PCDH7: variants seen among roughly 807,000 people sequenced by gnomAD.
PCDH7 encodes protocadherin 7.
PCDH7 carries 17 observed loss-of-function variants against 58.9 expected under a neutral mutation model. The observed-to-expected ratio is 0.29, with a 90% confidence interval of 0.20 to 0.43. PCDH7 has a LOEUF of 0.43. Ranked by LOEUF, PCDH7 falls within the 20% of genes least tolerant of loss-of-function variation. The pLI, the probability that PCDH7 is intolerant of heterozygous loss-of-function variation, is 1.00. For synonymous variants in PCDH7, 664 were observed against 616.4 expected (o/e 1.08, Z -1.14); for missense variants, 1,274 against 1,441.0 (o/e 0.88, Z 1.88).
Position 30,902,918 on chromosome 4 carries a change from T to G in PCDH7, c.71-17235T>G, listed in dbSNP as rs368868330. 4.3e-4 allele frequency among the ~76,000 whole-genome samples: 66 copies of G among 152,242 alleles called. 2 individuals carry two copies. The South Asian group carries it at 0.014, about 32-fold the overall frequency. On this transcript the variant is annotated intron_variant, in intron 1 of 3. Coordinates refer to the PCDH7 transcript ENST00000509759. ...CAAGCTTAAGAATTCAAACCATTTT[T>G]CTCAAGAAAAGGATAAATGAAATAA...
chr4:31,097,076 G>C (rs1532562), intron 3 of PCDH7, among the ~76,000 whole-genome samples: 89,873 of 151,900 alleles, frequency 0.59, 28,944 homozygotes, highest in African/African-American at 0.84. Context: ...GCCAATTTGC[G>C]CCTAGTTGTG....
chr4:30,766,508 T>C (rs1004536302), intron 1 of PCDH7, among the ~76,000 whole-genome samples: 2 of 152,168 alleles, frequency 1.3e-5, no homozygotes, highest in African/African-American at 4.8e-5. Context: ...TAATCTGGAA[T>C]TTAATCTTAA....
At chr4:30,885,954 C>A (rs1737681701) in intron 1 of PCDH7, among the ~76,000 whole-genome samples, 1 of 152,050 alleles carries the variant, frequency 6.6e-6, no homozygotes, top group South Asian at 2.1e-4. Flanking sequence ...TTCCTTACAC[C>A]TTATACAAAA....
intron 3 of PCDH7, among the ~76,000 whole-genome samples, chr4:31,122,520 C>G (rs566188720): frequency 6.6e-6 from 1 of 152,176 alleles, no homozygotes; most frequent in East Asian, 1.9e-4. Context: ...CTAACTTTTC[C>G]CCCTCTTTTT....
chr4:31,015,674 C>T (rs1481355590), intron 3 of PCDH7, among the ~76,000 whole-genome samples: 1 of 152,116 alleles, frequency 6.6e-6, no homozygotes, highest in Non-Finnish European at 1.5e-5. Flanking sequence ...TTAACACGTT[C>T]TTTTCTAGAA....
At chr4:31,047,344 A>G (rs1049469362) in intron 3 of PCDH7, among the ~76,000 whole-genome samples, 1 of 152,090 alleles carries the variant, frequency 6.6e-6, no homozygotes, top group Non-Finnish European at 1.5e-5. Flanking sequence ...TCCTAAGTGC[A>G]AATCGGTGGT....
In PCDH7 at chr4:30,723,327, T is replaced by C; in HGVS notation, c.1905T>C (p.Asn635=). The C allele has an allele frequency of 6.2e-7, 1 of 1,614,172 alleles. No homozygotes were observed. Among genetic ancestry groups the C allele is most frequent in the Non-Finnish European group, 8.5e-7 (1 of 1,180,034 alleles). The change falls in exon 1 of 2, where the codon AAT becomes AAC. Residue 635 remains asparagine, a synonymous_variant. Transcript: ENST00000361762. This position sits in a 1 kb window ranked among gnomAD's most constrained non-coding sequence, Gnocchi z 4.6. Reference sequence around the variant, plus strand: ...TGCAGGTGGCTGATAAAAATGACAATGACCCTAAGTTTATGCAGGACGTCT... The same window carrying C: ...TGCAGGTGGCTGATAAAAATGACAACGACCCTAAGTTTATGCAGGACGTCT...
intron 1 of PCDH7, among the ~76,000 whole-genome samples, chr4:30,885,432 G>C (rs1404933784): frequency 6.6e-6 from 1 of 152,054 alleles, no homozygotes; most frequent in Non-Finnish European, 1.5e-5. Flanking sequence ...ACTAATATTG[G>C]CACATGGTTC....
chr4:30,927,398 G>A (rs1177956099), intron 2 of PCDH7, among the ~76,000 whole-genome samples: 1 of 151,972 alleles, frequency 6.6e-6, no homozygotes, highest in East Asian at 1.9e-4. Flanking sequence ...GACAATGGCG[G>A]TTTTGTGGAA....
intron 3 of PCDH7, among the ~76,000 whole-genome samples, chr4:31,138,351 A>T (rs2109344688): frequency 6.6e-6 from 1 of 152,262 alleles, no homozygotes; most frequent in East Asian, 1.9e-4. Flanking sequence ...CTTTTCACTA[A>T]GTAGTAAAAT....
intron 1 of PCDH7, among the ~76,000 whole-genome samples, chr4:30,809,657 A>C (rs1255334001): frequency 6.6e-6 from 1 of 152,246 alleles, no homozygotes; most frequent in Non-Finnish European, 1.5e-5. Context: ...GACTTGCTCC[A>C]GCCCTACGTC....
At chr4:30,938,766 T>C (rs1745670348) in intron 2 of PCDH7, among the ~76,000 whole-genome samples, 1 of 152,112 alleles carries the variant, frequency 6.6e-6, no homozygotes, top group African/African-American at 2.4e-5. Flanking sequence ...TTGTAACATA[T>C]GTGCCTTAAA....
At chr4:30,959,428 T>C (rs1289495238) in intron 3 of PCDH7, among the ~76,000 whole-genome samples, 2 of 152,162 alleles carry the variant, frequency 1.3e-5, no homozygotes, top group African/African-American at 2.4e-5. Flanking sequence ...GGATGAATTA[T>C]ATCTTTTTAG....
chr4:31,120,611 A>G (rs1717573624), intron 3 of PCDH7, among the ~76,000 whole-genome samples: 1 of 152,096 alleles, frequency 6.6e-6, no homozygotes, highest in African/African-American at 2.4e-5. Flanking sequence ...TTAAGTAAGT[A>G]TATCTAGAAA....
At chr4:30,933,326 G>A (rs1312255319) in intron 2 of PCDH7, among the ~76,000 whole-genome samples, 1 of 152,006 alleles carries the variant, frequency 6.6e-6, no homozygotes, top group Non-Finnish European at 1.5e-5. Context: ...CACCTGGCCA[G>A]GAGTTTCTTA....
At chr4:30,816,626 C>T (rs1727708877) in intron 1 of PCDH7, among the ~76,000 whole-genome samples, 2 of 151,544 alleles carry the variant, frequency 1.3e-5, no homozygotes, top group African/African-American at 4.9e-5. Flanking sequence ...TTTTTTGAAA[C>T]ATTTTTTCCT....
intron 3 of PCDH7, among the ~76,000 whole-genome samples, chr4:31,127,445 T>C (rs1467267096): frequency 2.6e-5 from 4 of 152,202 alleles, no homozygotes; most frequent in African/African-American, 4.8e-5. Flanking sequence ...GAATGTGTCC[T>C]ACATCTTAAT....
chr4:31,020,438 G>A (rs1013701588), intron 3 of PCDH7, among the ~76,000 whole-genome samples: 1 of 152,188 alleles, frequency 6.6e-6, no homozygotes, highest in Non-Finnish European at 1.5e-5. Context: ...TCTGATATGA[G>A]TACTTAAGAG....
chr4:30,811,745 G>T (rs749769525), intron 1 of PCDH7, among the ~76,000 whole-genome samples: 12 of 152,164 alleles, frequency 7.9e-5, no homozygotes, highest in Non-Finnish European at 1.6e-4. Context: ...AGTGTTTTTA[G>T]TGATGAAAGT....
Sources: allele counts gnomAD v4.1 joint callset (sites outside exome capture counted in the v4.1 genomes callset), GRCh38; gene constraint gnomAD v4.1.1; non-coding constraint Gnocchi (gnomAD v3.1); transcripts MANE v1.5; gene names NCBI Gene and HGNC (gene_info 2026-07-23, HGNC 2026-07-21).